Variants in ENOX1 observed in about 807,000 individuals in gnomAD.
The protein encoded by ENOX1 is ecto-NOX disulfide-thiol exchanger 1, also known as candidate growth-related and time keeping constitutive hydroquinone (NADH) oxidase.
A neutral mutation model predicts 82.5 loss-of-function variants in ENOX1; 42 were observed. That is an observed-to-expected ratio of 0.51 (90% CI 0.40 to 0.66). The LOEUF (loss-of-function observed/expected upper bound fraction) is 0.66. ENOX1 is among the 30% of genes least tolerant of loss of function. The pLI is 0.00. For missense variants in ENOX1, 608 were observed against 811.6 expected, an observed-to-expected ratio of 0.75 and a Z score of 3.05; for synonymous variants, 271 against 282.2, an observed-to-expected ratio of 0.96 and a Z score of 0.40.
At chr13:43,614,267 A>G (rs1386262215) in intron 2 of ENOX1, among the ~76,000 whole-genome samples, 2 of 152,218 alleles carry the variant, frequency 1.3e-5, no homozygotes, top group Non-Finnish European at 2.9e-5. Flanking sequence ...CACTGGATAC[A>G]GTTAGTTTCT....
chr13:43,244,097 G>A (rs371601802), intron 14 of ENOX1, among the ~76,000 whole-genome samples: 13 of 150,890 alleles, frequency 8.6e-5, no homozygotes, highest in Non-Finnish European at 1.0e-4. Context: ...CAGAATGGCC[G>A]AATGGAAGCT....
intron 2 of ENOX1, among the ~76,000 whole-genome samples, chr13:43,650,833 C>T (rs185610669): frequency 2.0e-5 from 3 of 152,268 alleles, no homozygotes; most frequent in East Asian, 3.9e-4. Context: ...CGCAAGACTC[C>T]GTCTCAAAAG....
At chr13:43,729,194 C>T (rs1362412111) in intron 1 of ENOX1, among the ~76,000 whole-genome samples, 1 of 152,114 alleles carries the variant, frequency 6.6e-6, no homozygotes. Context: ...TATGTTTACC[C>T]AATATGTACT....
At position 43,343,500 on chromosome 13, in the gene ENOX1, T is replaced by C. The variant is rs1036683903; in HGVS notation, c.1036+1038A>G. ...ACATTTGGGAATTTGTTATATCATATGCTACGCTGCTGTAAAACCTGTCTT... is the reference window on the plus strand; with the variant it reads ...ACATTTGGGAATTTGTTATATCATACGCTACGCTGCTGTAAAACCTGTCTT... On this transcript the variant is annotated intron_variant, in intron 9 of 16. Transcript: ENST00000690772. Among the ~76,000 whole-genome samples, 23 of 152,250 alleles carry C rather than the reference T, an allele frequency of 1.5e-4. 1 individual carries two copies. Among genetic ancestry groups the C allele is most frequent in the Admixed American group, 6.5e-5 (1 of 15,288 alleles).
intron 3 of ENOX1, among the ~76,000 whole-genome samples, chr13:43,432,344 TAAGA>T (rs1306268377): frequency 1.3e-5 from 2 of 152,100 alleles, no homozygotes; most frequent in East Asian, 3.9e-4. Context: ...TCTGGACTCA[TAAGA>T]AATAAAATCA....
At chr13:43,421,989 C>A (rs1287057321) in intron 3 of ENOX1, among the ~76,000 whole-genome samples, 2 of 148,194 alleles carry the variant, frequency 1.3e-5, no homozygotes, top group Non-Finnish European at 1.5e-5. Flanking sequence ...AATAAAGGAA[C>A]CAAGAAAAAA....
intron 14 of ENOX1, among the ~76,000 whole-genome samples, chr13:43,259,218 C>G (rs1224140064): frequency 6.6e-6 from 1 of 152,150 alleles, no homozygotes; most frequent in Non-Finnish European, 1.5e-5. Flanking sequence ...CAGATTGAAA[C>G]TGGGCTGCTT....
At chr13:43,344,140 A>G (rs1317311) in intron 9 of ENOX1, among the ~76,000 whole-genome samples, 30,824 of 152,144 alleles carry the variant, frequency 0.2, 4,187 homozygotes, top group East Asian at 0.55. Context: ...CCCAAGGAAA[A>G]TGTGTTCAAG....
At chr13:43,291,282 G>A (rs1054335016) in intron 12 of ENOX1, among the ~76,000 whole-genome samples, 1 of 152,170 alleles carries the variant, frequency 6.6e-6, no homozygotes, top group African/African-American at 2.4e-5. Flanking sequence ...TCTGTGTCCT[G>A]CACATGCATG....
At chr13:43,422,017 A>G (rs981743394) in intron 3 of ENOX1, among the ~76,000 whole-genome samples, 2 of 152,024 alleles carry the variant, frequency 1.3e-5, no homozygotes, top group African/African-American at 4.8e-5. Flanking sequence ...TCAGTTCCAG[A>G]ATTTAGTCCC....
intron 13 of ENOX1, among the ~76,000 whole-genome samples, chr13:43,266,075 T>C (rs1391174609): frequency 6.6e-6 from 1 of 152,202 alleles, no homozygotes; most frequent in Non-Finnish European, 1.5e-5. Flanking sequence ...CATTTCTCTT[T>C]CTCAGAGGCT....
chr13:43,762,000 C>A (rs1225019994), intron 1 of ENOX1, among the ~76,000 whole-genome samples: 1 of 152,124 alleles, frequency 6.6e-6, no homozygotes, highest in African/African-American at 2.4e-5. Context: ...ACTGGACTTA[C>A]TGGTACAAGG....
intron 14 of ENOX1, among the ~76,000 whole-genome samples, chr13:43,246,843 G>A (rs2043108019): frequency 6.6e-6 from 1 of 152,104 alleles, no homozygotes; most frequent in Non-Finnish European, 1.5e-5. Flanking sequence ...AGAGGTGACA[G>A]GAAGAGAAAG....
At chr13:43,312,102 T>C (rs1260550563) in intron 11 of ENOX1, among the ~76,000 whole-genome samples, 2 of 152,230 alleles carry the variant, frequency 1.3e-5, no homozygotes, top group Non-Finnish European at 2.9e-5. Context: ...TATAAACTTG[T>C]ATTTATTCAG....
chr13:43,342,011 T>C (rs2049093860), intron 9 of ENOX1, among the ~76,000 whole-genome samples: 3 of 152,160 alleles, frequency 2.0e-5, no homozygotes, highest in African/African-American at 7.2e-5. Flanking sequence ...GAAGATGTGA[T>C]GGCAGGCGAA....
intron 2 of ENOX1, among the ~76,000 whole-genome samples, chr13:43,608,266 T>C (rs1345857400): frequency 2.0e-5 from 3 of 152,162 alleles, no homozygotes; most frequent in East Asian, 1.9e-4. Flanking sequence ...TTAAACAATA[T>C]GATATGACTT....
intron 2 of ENOX1, among the ~76,000 whole-genome samples, chr13:43,511,914 C>A (rs981293601): frequency 6.6e-6 from 1 of 151,746 alleles, no homozygotes; most frequent in South Asian, 2.1e-4. Context: ...CTGAGAAGTG[C>A]GTATGTGTGT....
intron 12 of ENOX1, among the ~76,000 whole-genome samples, chr13:43,284,772 GT>G (rs1408128410): frequency 5.5e-3 from 8 of 1,452 alleles, no homozygotes; most frequent in Non-Finnish European, 0.015. Flanking sequence ...TTTGTTAAAG[GT>G]GTGTGTGTGT....
At chr13:43,640,024 G>A (rs919563751) in intron 2 of ENOX1, among the ~76,000 whole-genome samples, 2 of 152,120 alleles carry the variant, frequency 1.3e-5, no homozygotes, top group Admixed American at 1.3e-4. Context: ...GCAAGACTCT[G>A]TCTCAAAACT....
Sources: allele counts gnomAD v4.1 joint callset (sites outside exome capture counted in the v4.1 genomes callset), GRCh38; gene constraint gnomAD v4.1.1; transcripts MANE v1.5; gene names NCBI Gene and HGNC (gene_info 2026-07-23, HGNC 2026-07-21).